ADGRD1: variants seen among roughly 807,000 people sequenced by gnomAD.
The protein encoded by ADGRD1 is G-protein coupled receptor 133.
In ADGRD1, 77 loss-of-function variants were observed where a neutral mutation model predicts 113.4. The observed-to-expected ratio is 0.68, with a 90% confidence interval of 0.57 to 0.82. The LOEUF (loss-of-function observed/expected upper bound fraction) is 0.82. Ranked by LOEUF, ADGRD1 falls within the 40% of genes least tolerant of loss-of-function variation. The probability of loss-of-function intolerance (pLI) is 0.00; values close to 1 mark genes in which losing one functional copy is unlikely to be tolerated. For synonymous variants in ADGRD1, 474 were observed against 475.0 expected (o/e 1.00, Z 0.03); for missense variants, 1,036 against 1,139.1 (o/e 0.91, Z 1.30).
chr12:131,138,675 C>T (rs953860892), intron 24 of ADGRD1, among the ~76,000 whole-genome samples: 3 of 152,096 alleles, frequency 2.0e-5, no homozygotes, highest in African/African-American at 4.8e-5. Flanking sequence ...TCAATGAAGG[C>T]GCTCCCACCC....
At position 131,113,940 on chromosome 12, in the gene ADGRD1, G is replaced by A. The variant is rs1950403559; in HGVS notation, c.2042-4445G>A. Among the ~76,000 whole-genome samples the A allele has an allele frequency of 6.6e-6, 1 of 152,170 alleles. No individual in the cohort carries two copies. The highest frequency in any genetic ancestry group is 2.4e-5 in the African/African-American group (1 of 41,444). On this transcript the variant is annotated intron_variant, in intron 18 of 24. Transcript: ENST00000261654. The surrounding 1 kb of genome is among the most constrained non-coding windows in gnomAD (Gnocchi z 4.9). ...GGCCAACTATCTAGAGTTTATTATA[G>A]TTTCTTTATGGATACAGTCATGTAA... is the stretch of plus-strand genomic sequence containing the variant.
At chr12:131,116,019 A>G (rs978953549) in intron 18 of ADGRD1, among the ~76,000 whole-genome samples, 4 of 152,124 alleles carry the variant, frequency 2.6e-5, no homozygotes, top group Non-Finnish European at 4.4e-5. Flanking sequence ...CTTCCCACTC[A>G]CTGTCTTCTC....
Position 130,971,887 on chromosome 12 carries a change from C to T in ADGRD1, c.310+307C>T, listed in dbSNP as rs11061268. 0.084 allele frequency among the ~76,000 whole-genome samples: 12,839 copies of T among 152,160 alleles called. 874 individuals carry two copies. The highest frequency in any genetic ancestry group is 0.19 in the African/African-American group (7,837 of 41,478). On this transcript the variant is annotated intron_variant, in intron 4 of 24. Transcript: ENST00000261654. The surrounding 1 kb of genome is among the most constrained non-coding windows in gnomAD (Gnocchi z 4.2). ...AGACACAGCGATGTCACAGTGGGGA[C>T]TGGACAGGGCCGTGGCGTTTGTGGG...
chr12:131,087,764 G>A (rs1480944626), intron 15 of ADGRD1, among the ~76,000 whole-genome samples: 2 of 152,190 alleles, frequency 1.3e-5, no homozygotes, highest in Non-Finnish European at 2.9e-5. Flanking sequence ...CTCTTCTCCT[G>A]GCCTGCAGAC....
intron 13 of ADGRD1, among the ~76,000 whole-genome samples, chr12:131,039,680 G>A (rs958879566): frequency 1.3e-5 from 2 of 152,172 alleles, no homozygotes; most frequent in East Asian, 1.9e-4. Flanking sequence ...ACCCTGGGGC[G>A]CCTTGGCTGG....
chr12:131,101,037 C>T (rs1348291942), intron 15 of ADGRD1, among the ~76,000 whole-genome samples: 1 of 152,128 alleles, frequency 6.6e-6, no homozygotes. Flanking sequence ...CTTAGAGCTG[C>T]GAGATGAGGT....
rs938569779 is a variant in ADGRD1, at chr12:130,966,724, T to C, written c.187+178T>C. The C allele has an allele frequency of 1.3e-5, 8 of 600,768 alleles. No individual in the cohort carries two copies. The African/African-American group carries it at 1.5e-4, about 11-fold the overall frequency. 37.2% of individuals were successfully genotyped at this position (600,768 alleles called of 1,614,324 possible). A position where few individuals can be genotyped will look rare whatever the true frequency, so the allele number is the denominator to read the frequency against. ...TCGGGGAGCAGATGTGGACACAATCTGCTTTGAAGCCACGGTGATAGAGAT... is the reference window on the plus strand; with the variant it reads ...TCGGGGAGCAGATGTGGACACAATCCGCTTTGAAGCCACGGTGATAGAGAT... On this transcript the variant is annotated intron_variant, in intron 3 of 24. Coordinates refer to ENST00000261654, the MANE Select transcript of ADGRD1 (RefSeq NM_198827.5). The surrounding 1 kb of genome is among the most constrained non-coding windows in gnomAD (Gnocchi z 4.6).
At chr12:130,962,019 C>G (rs1347401086) in intron 2 of ADGRD1, among the ~76,000 whole-genome samples, 1 of 152,180 alleles carries the variant, frequency 6.6e-6, no homozygotes, top group East Asian at 1.9e-4. Context: ...TGATGGTTTC[C>G]AGCATCTGCT....
At chr12:131,031,560 A>C (rs1358238335) in intron 13 of ADGRD1, among the ~76,000 whole-genome samples, 3 of 151,994 alleles carry the variant, frequency 2.0e-5, no homozygotes, top group Non-Finnish European at 4.4e-5. Context: ...CAGGATTAGC[A>C]AACACGGCCC....
chr12:131,037,287 TCTCA>T (rs1281729072), intron 13 of ADGRD1, among the ~76,000 whole-genome samples: 4 of 138,364 alleles, frequency 2.9e-5, no homozygotes, highest in South Asian at 2.4e-4. Context: ...CTGCACTGGG[TCTCA>T]CTCACTGCAC....
intron 4 of ADGRD1, among the ~76,000 whole-genome samples, chr12:130,974,287 G>A (rs546400099): frequency 6.6e-6 from 1 of 152,232 alleles, no homozygotes; most frequent in African/African-American, 2.4e-5. Flanking sequence ...CTTCTCAGGG[G>A]GCACCTGGAG....
chr12:131,134,908 G>C (rs1479192904), intron 21 of ADGRD1, among the ~76,000 whole-genome samples: 1 of 152,250 alleles, frequency 6.6e-6, no homozygotes, highest in Non-Finnish European at 1.5e-5. Context: ...CAGCCTTTAA[G>C]GAACCCACAG....
At position 131,004,208 on chromosome 12, in the gene ADGRD1, G is replaced by A. The variant is rs1163671242; in HGVS notation, c.1167G>A (p.Leu389=). 2 of 1,613,836 alleles carry A rather than the reference G, an allele frequency of 1.2e-6. No individual in the cohort carries two copies. Among genetic ancestry groups the A allele is most frequent in the Admixed American group, 3.3e-5 (2 of 59,998 alleles). Residue 389 remains leucine, a synonymous_variant, in exon 11 of 25, where the codon CTG becomes CTA. Transcript: ENST00000261654. ...CAGAGTTTTCCGTGGCCAAAATCCT[G>A]CCCAAGACCGTGAATTCCTCCCATT... ...AMAEFSVAKI[L]PKTVNSSHYR... is the part of the protein sequence containing the mutation.
chr12:131,121,635 C>T (rs1016851771), intron 20 of ADGRD1, among the ~76,000 whole-genome samples: 1 of 152,206 alleles, frequency 6.6e-6, no homozygotes. Flanking sequence ...CCTCCTCTGT[C>T]TCCCAAAGTG....
chr12:131,108,220 G>A (rs1950275304), intron 17 of ADGRD1, among the ~76,000 whole-genome samples: 1 of 152,212 alleles, frequency 6.6e-6, no homozygotes, highest in African/African-American at 2.4e-5. Context: ...CTTGGAAGCT[G>A]CAGTCAATTT....
At chr12:131,104,963 A>G in intron 16 of ADGRD1, 29 bp downstream of exon 16, 1 of 1,441,338 alleles carries the variant, frequency 6.9e-7, no homozygotes, top group Non-Finnish European at 9.5e-7. Context: ...TCCACCCAAC[A>G]GTCTCTCGGC....
chr12:131,123,110 G>T (rs1950644117), intron 20 of ADGRD1, among the ~76,000 whole-genome samples: 1 of 125,920 alleles, frequency 7.9e-6, no homozygotes, highest in Non-Finnish European at 1.6e-5. Flanking sequence ...AGGCTGGAGT[G>T]CAGTGGCACG....
At position 131,113,878 on chromosome 12, in the gene ADGRD1, T is replaced by C. The variant is rs1396746827; in HGVS notation, c.2042-4507T>C. 6.6e-6 allele frequency among the ~76,000 whole-genome samples: 1 copy of C among 152,232 alleles called. No individual in the cohort carries two copies. The stretch of plus-strand genomic sequence containing the variant: ...AGGAGAGCTGCTCCTTCTGATGATA[T>C]CTGACCTCATCAGGGAGGATTTAGA... On this transcript the variant is annotated intron_variant, in intron 18 of 24. Transcript: ENST00000261654. The surrounding 1 kb of genome is among the most constrained non-coding windows in gnomAD (Gnocchi z 4.9).
intron 4 of ADGRD1, chr12:130,973,376 A>C (rs895583845): frequency 6.6e-6 from 1 of 152,240 alleles, no homozygotes; most frequent in Non-Finnish European, 1.5e-5. Context: ...TGCTGTGAAG[A>C]CTGGAAGAAC....
Sources: gnomAD v4.1 joint callset for allele counts (sites outside exome capture counted in the v4.1 genomes callset) on GRCh38, gnomAD v4.1.1 for gene constraint, Gnocchi (gnomAD v3.1) non-coding constraint, MANE v1.5 for transcripts, NCBI Gene and HGNC (gene_info 2026-07-23, HGNC 2026-07-21) for gene names.